Variants in BTNL2 observed in about 807,000 individuals in gnomAD.
The protein encoded by BTNL2 is butyrophilin-like protein 2.
A neutral mutation model predicts 46.8 loss-of-function variants in BTNL2; 46 were observed. The observed-to-expected ratio is 0.98, with a 90% CI of 0.78 to 1.26. The LOEUF (loss-of-function observed/expected upper bound fraction) is 1.26, where lower values mean the gene tolerates loss of function less well. Ranked by LOEUF, BTNL2 falls within the 50% of genes most tolerant of loss-of-function variation. The probability of loss-of-function intolerance (pLI) is 0.00; values close to 1 mark genes in which losing one functional copy is unlikely to be tolerated. For synonymous variants in BTNL2, 226 were observed against 229.1 expected, an observed-to-expected ratio of 0.99 and a Z score of 0.12; for missense variants, 461 against 592.6, an observed-to-expected ratio of 0.78 and a Z score of 2.31.
At chr6:32,400,452 A>G (rs769974663) in intron 4 of BTNL2, among the ~76,000 whole-genome samples, 1 of 152,122 alleles carries the variant, frequency 6.6e-6, no homozygotes, top group Non-Finnish European at 1.5e-5. Flanking sequence ...GCAGGGAGGC[A>G]GGCTGGTTGC....
In BTNL2 at chr6:32,396,481, G is replaced by T; in HGVS notation, c.731-95C>A. 2 of 1,249,646 alleles carry T rather than the reference G, an allele frequency of 1.6e-6. No homozygotes were observed. The highest frequency in any genetic ancestry group is 2.0e-5 in the Admixed American group (1 of 50,780). 77.4% of individuals were successfully genotyped at this position (1,249,646 alleles called of 1,614,324 possible). On this transcript the variant is annotated intron_variant, in intron 4 of 7. Coordinates refer to ENST00000454136, the MANE Select transcript of BTNL2 (RefSeq NM_001304561.2). The surrounding 1 kb of genome is among the most constrained non-coding windows in gnomAD (Gnocchi z 4.4). Reference sequence around the variant, plus strand: ...AGCTCCATTGGAGTTTAGAAACCATGAGCATCCCAGGGTTGCTGTGAGGCT... The same window carrying T: ...AGCTCCATTGGAGTTTAGAAACCATTAGCATCCCAGGGTTGCTGTGAGGCT...
In BTNL2 at chr6:32,393,972, G is replaced by C. The variant is rs34940131; in HGVS notation, c.1446C>G (p.Ser482Arg). 0.13 allele frequency: 201,543 copies of C among 1,526,724 alleles called. 15,831 individuals are homozygous for C. Among genetic ancestry groups the C allele is most frequent in the Non-Finnish European group, 0.14 (152,183 of 1,126,066 alleles). The allele number at this position is 1,526,724 out of a possible 1,614,324, so 94.6% of individuals were successfully genotyped here. The change falls in exon 7 of 8, where the codon AGC becomes AGG. Residue 482 changes from serine to arginine, a missense_variant. Transcript: ENST00000454136. This position sits in a 1 kb window ranked among gnomAD's most constrained non-coding sequence, Gnocchi z 4.8. ...TGTTTCCCTGACTTACCTCTTTTCA[G>C]CTCCTCTTCCTGGGCAGGCCTACAG... ...AVAVGLPRKRS is the reference protein window; with the variant it reads ...AVAVGLPRKRR
At chr6:32,402,629 C>T (rs73400833) in intron 3 of BTNL2, among the ~76,000 whole-genome samples, 6,304 of 152,090 alleles carry the variant, frequency 0.041, 146 homozygotes, top group African/African-American at 0.056. Context: ...CACAAGACAG[C>T]ATAGGAAAAC....
Position 32,405,126 on chromosome 6 carries a change from T to G in BTNL2, c.240A>C (p.Gly80=). The G allele has an allele frequency of 6.2e-7, 1 of 1,613,002 alleles. No homozygotes were observed. The highest frequency in any genetic ancestry group is 8.5e-7 in the Non-Finnish European group (1 of 1,180,028). The change falls in exon 2 of 8, where the codon GGA becomes GGC. Residue 80 remains glycine, a synonymous_variant. Coordinates refer to ENST00000454136, the MANE Select transcript of BTNL2 (RefSeq NM_001304561.2). ...CCATCTGCATCTCAGTCACCTCCACTCCATCCCTGTGCACAAACACAGGTG... is the reference window on the plus strand; with the variant it reads ...CCATCTGCATCTCAGTCACCTCCACGCCATCCCTGTGCACAAACACAGGTG... ...PSTPVFVHRD[G]VEVTEMQMEE...
rs909748630 is a variant in BTNL2, at chr6:32,394,511, G to A, written c.1360+233C>T. Among the ~76,000 whole-genome samples, 3 of 152,214 alleles carry A rather than the reference G, an allele frequency of 2.0e-5. No homozygotes were observed. Among genetic ancestry groups the A allele is most frequent in the Non-Finnish European group, 4.4e-5 (3 of 68,048 alleles). ...ACAGGGTCAATTACGAGAATTTAGTGTGTATCCAATGATAAAAATAATTGC... is the reference window on the plus strand; with the variant it reads ...ACAGGGTCAATTACGAGAATTTAGTATGTATCCAATGATAAAAATAATTGC... On this transcript the variant is annotated intron_variant, in intron 6 of 7. Coordinates refer to ENST00000454136, the MANE Select transcript of BTNL2 (RefSeq NM_001304561.2). The surrounding 1 kb of genome is among the most constrained non-coding windows in gnomAD (Gnocchi z 4.6).
intron 4 of BTNL2, among the ~76,000 whole-genome samples, chr6:32,397,726 T>C (rs117802793): frequency 0.012 from 1,726 of 146,238 alleles, 67 homozygotes; most frequent in South Asian, 0.1. Context: ...TGAGCAGAGG[T>C]GCACAGACCT....
In BTNL2 at chr6:32,396,157, G is replaced by T; in HGVS notation, c.960C>A (p.Asp320Glu). ...GRTVLVSDAIDEGRLTLQILS... is the reference protein window; with the variant it reads ...GRTVLVSDAIEEGRLTLQILS... ...GTATCTGCAGGGTCAGTCTGCCCTC[G>T]TCAATGGCGTCACTCACCAGTACAG... is the stretch of plus-strand genomic sequence containing the variant. The change falls in exon 5 of 8, where the codon GAC becomes GAA. Residue 320 changes from aspartate (D) to glutamate (E), a missense_variant. By Grantham distance (45) the Asp-to-Glu change is conservative. Coordinates refer to ENST00000454136, the MANE Select transcript of BTNL2 (RefSeq NM_001304561.2). The surrounding 1 kb of genome is among the most constrained non-coding windows in gnomAD (Gnocchi z 4.4). 6.2e-7 allele frequency: 1 copy of T among 1,613,002 alleles called. No individual in the cohort carries two copies. Among genetic ancestry groups the T allele is most frequent in the Non-Finnish European group, 8.5e-7 (1 of 1,180,004 alleles).
intron 4 of BTNL2, among the ~76,000 whole-genome samples, chr6:32,397,425 T>C (rs117624432): frequency 0.012 from 1,858 of 152,326 alleles, 68 homozygotes; most frequent in East Asian, 0.11. Context: ...CCATAAATGC[T>C]GTCTGACCAA....
At chr6:32,401,207 CAAAAAAAAAAAAAAAAAAAAA>C (rs9279632) in intron 4 of BTNL2, among the ~76,000 whole-genome samples, 23 of 38,918 alleles carry the variant, frequency 5.9e-4, no homozygotes, top group Admixed American at 4.8e-3. Flanking sequence ...GACTCCGTCT[CAAAAAAAAAAAAAAAAAAAAA>C]AAAAAAAAAA....
rs1356479637 is a variant in BTNL2, at chr6:32,394,034, T to G, written c.1384A>C (p.Lys462Gln). 12 of 1,550,150 alleles carry G rather than the reference T, an allele frequency of 7.7e-6. No individual in the cohort carries two copies. The highest frequency in any genetic ancestry group is 8.7e-6 in the Non-Finnish European group (10 of 1,146,702). The change falls in exon 7 of 8, where the codon AAA (lysine) becomes CAA (glutamine). Residue 462 changes from lysine (K) to glutamine (Q), a missense_variant. By Grantham distance (53) the Lys-to-Gln change is moderately conservative. Transcript: ENST00000454136. This position sits in a 1 kb window ranked among gnomAD's most constrained non-coding sequence, Gnocchi z 4.6. ...AGCAATCCCCAAACAAGCAGTGTTT[T>G]CCACAAAAACGTCATCCTGGACTCT... ...LSESRMTFLW[K>Q]TLLVWGLLLA...
intron 4 of BTNL2, among the ~76,000 whole-genome samples, chr6:32,401,319 G>C (rs117143243): frequency 0.017 from 2,533 of 150,422 alleles, 73 homozygotes; most frequent in East Asian, 0.11. Flanking sequence ...GCTTAGGGGT[G>C]TACTGGGGTG....
At chr6:32,404,585 G>C (rs759874074) in intron 2 of BTNL2, among the ~76,000 whole-genome samples, 13 of 152,210 alleles carry the variant, frequency 8.5e-5, no homozygotes, top group Non-Finnish European at 1.5e-4. Context: ...AATGCCCTGA[G>C]ATACAGATGC....
At chr6:32,402,151 C>T (rs1452881315) in intron 3 of BTNL2, among the ~76,000 whole-genome samples, 1 of 151,776 alleles carries the variant, frequency 6.6e-6, no homozygotes, top group Non-Finnish European at 1.5e-5. Flanking sequence ...AACAGTATCA[C>T]CTAAATTACA....
In BTNL2 at chr6:32,399,042, C is replaced by T. The variant is rs190713086; in HGVS notation, c.731-2656G>A. Reference sequence around the variant, plus strand: ...GTCATCCCATCACCCAGGTGTTAAGCCCAGCATCCATTAGCTGTTCTTCCT... The same window carrying T: ...GTCATCCCATCACCCAGGTGTTAAGTCCAGCATCCATTAGCTGTTCTTCCT... On this transcript the variant is annotated intron_variant, in intron 4 of 7. Transcript: ENST00000454136. The surrounding 1 kb of genome is among the most constrained non-coding windows in gnomAD (Gnocchi z 5.2). Among the ~76,000 whole-genome samples, 1 of 152,248 alleles carries T rather than the reference C, an allele frequency of 6.6e-6. No individual in the cohort carries two copies. Among genetic ancestry groups the T allele is most frequent in the East Asian group, 1.9e-4 (1 of 5,172 alleles).
Position 32,403,050 on chromosome 6 carries a change from G to C in BTNL2, c.594C>G (p.Gly198=), listed in dbSNP as rs1274506932. The C allele has an allele frequency of 9.9e-6, 16 of 1,612,722 alleles. No individual in the cohort carries two copies. The highest frequency in any genetic ancestry group is 1.4e-5 in the Non-Finnish European group (16 of 1,179,940). ...CCAGGGTGGCTTCCGCATAGAACAG[G>C]CCATCTTTATCTTGGATGCGATGCT... is the stretch of plus-strand genomic sequence containing the variant. ...VSEHRIQDKD[G]LFYAEATLVV... The change falls in exon 3 of 8, where the codon GGC becomes GGG. Residue 198 remains glycine, a synonymous_variant. Coordinates refer to ENST00000454136, the MANE Select transcript of BTNL2 (RefSeq NM_001304561.2).
chr6:32,394,005 A>C lies in BTNL2; in HGVS notation c.1413T>G (p.Leu471=), dbSNP rs1776280066. ...WKTLLVWGLL[L]AVAVGLPRKR... is the part of the protein sequence containing the mutation. ...TCCTGGGCAGGCCTACAGCCACAGC[A>C]AGAAGCAATCCCCAAACAAGCAGTG... Residue 471 remains leucine (L), a synonymous_variant, in exon 7 of 8, where the codon CTT becomes CTG. Coordinates refer to ENST00000454136, the MANE Select transcript of BTNL2 (RefSeq NM_001304561.2). The surrounding 1 kb of genome is among the most constrained non-coding windows in gnomAD (Gnocchi z 4.6). 1 of 1,550,304 alleles carries C rather than the reference A, an allele frequency of 6.5e-7. No homozygotes were observed.
Position 32,402,917 on chromosome 6 carries a change from T to A in BTNL2, c.709+18A>T. The A allele has an allele frequency of 6.2e-7, 1 of 1,609,884 alleles. No homozygotes were observed. The highest frequency in any genetic ancestry group is 8.5e-7 in the Non-Finnish European group (1 of 1,177,580). ...CCTGCTGATCTGAGCATGTGGGTCC[T>A]AGAGGCAGAGCACTGACCTGGGAGG... is the stretch of plus-strand genomic sequence containing the variant. On this transcript the variant is annotated intron_variant, in intron 3 of 7. Transcript: ENST00000454136.
Position 32,393,871 on chromosome 6 carries a change from C to A in BTNL2, c.*6+92G>T. 2 of 1,478,220 alleles carry A rather than the reference C, an allele frequency of 1.4e-6. No individual in the cohort carries two copies. The highest frequency in any genetic ancestry group is 1.4e-5 in the South Asian group (1 of 72,128). 91.6% of individuals were successfully genotyped at this position (1,478,220 alleles called of 1,614,324 possible). A position where few individuals can be genotyped will look rare whatever the true frequency, so the allele number is the denominator to read the frequency against. On this transcript the variant is annotated intron_variant, in intron 7 of 7. Transcript: ENST00000454136. The surrounding 1 kb of genome is among the most constrained non-coding windows in gnomAD (Gnocchi z 4.8). ...TTACTGGATATTCACTGACTGCCTC[C>A]CATAGGTGACTTGTGAAAAGGGAGG...
At chr6:32,405,481 G>A (rs1015414581) in intron 1 of BTNL2, 195 bp from the exon 2 acceptor site, 4 of 699,422 alleles carry the variant, frequency 5.7e-6, no homozygotes, top group African/African-American at 5.3e-5. Flanking sequence ...GAAAACAAAT[G>A]CAGTTCAAAA....
Sources: allele counts gnomAD v4.1 joint callset (sites outside exome capture counted in the v4.1 genomes callset), GRCh38; gene constraint gnomAD v4.1.1; non-coding constraint Gnocchi (gnomAD v3.1); transcripts MANE v1.5; gene names NCBI Gene and HGNC (gene_info 2026-07-23, HGNC 2026-07-21).